MATK: variants seen among roughly 807,000 people sequenced by gnomAD.
MATK encodes the protein megakaryocyte-associated tyrosine kinase.
In MATK, 41 loss-of-function variants were observed where a neutral mutation model predicts 59.8. The ratio of observed to expected loss-of-function variants is 0.69; its 90% CI spans 0.53 to 0.89. The LOEUF (loss-of-function observed/expected upper bound fraction) is 0.89. MATK is among the 40% of genes least tolerant of loss of function. The pLI is 0.00. For synonymous variants in MATK, 308 were observed against 306.1 expected (o/e 1.01, Z -0.06); for missense variants, 593 against 719.6 (o/e 0.82, Z 2.01).
chr19:3,795,341 C>T (rs2037584155), intron 1 of MATK, among the ~76,000 whole-genome samples: 2 of 149,446 alleles, frequency 1.3e-5, no homozygotes, highest in African/African-American at 2.5e-5. Context: ...AACGTGATCT[C>T]GGCTCACTGC....
intron 6 of MATK, 152 bp downstream of exon 6, chr19:3,783,662 A>G: frequency 1.4e-6 from 1 of 694,166 alleles, no homozygotes; most frequent in South Asian, 1.9e-5. Context: ...GTCCCGGGTG[A>G]TCAGCACAGG....
chr19:3,797,998 C>G (rs2037611014), intron 1 of MATK, among the ~76,000 whole-genome samples: 2 of 151,946 alleles, frequency 1.3e-5, no homozygotes, highest in African/African-American at 4.8e-5. Flanking sequence ...GCCAAGAACA[C>G]ATCACTGTAC....
upstream of MATK, chr19:3,786,516 G>C: frequency 1.8e-6 from 1 of 548,888 alleles, no homozygotes; most frequent in Non-Finnish European, 2.3e-6. The surrounding 1 kb of genome is among the most constrained non-coding windows in gnomAD (Gnocchi z 4.1). Context: ...ACCTGGCCCT[G>C]TCGGGCGTGC....
chr19:3,793,005 C>G (rs760775043), intron 1 of MATK: 3 of 152,360 alleles, frequency 2.0e-5, no homozygotes, highest in East Asian at 1.9e-4. Flanking sequence ...TTCCTCCCCC[C>G]AGCCAGGGGA....
chr19:3,793,549 A>T (rs2037563798), intron 1 of MATK: 1 of 152,338 alleles, frequency 6.6e-6, no homozygotes, highest in Non-Finnish European at 1.5e-5. Context: ...TAAAAATATA[A>T]AAATTAGCCA....
Position 3,777,986 on chromosome 19 carries a change from G to A in MATK, c.*197C>T, listed in dbSNP as rs1054006354. 6 of 679,624 alleles carry A rather than the reference G, an allele frequency of 8.8e-6. No individual in the cohort carries two copies. The highest frequency in any genetic ancestry group is 7.2e-5 in the South Asian group (3 of 41,628). The allele number at this position is 679,624 out of a possible 1,614,324, so 42.1% of individuals were successfully genotyped here. ...CAGGCGCCTAGAGTCCTTAGAATCC[G>A]TCTTTATCGGGCGATCATCCTTCGC... On this transcript the variant is annotated 3_prime_UTR_variant, in exon 14 of 14. Transcript: ENST00000310132.
chr19:3,798,774 A>G (rs1197105777), intron 1 of MATK, among the ~76,000 whole-genome samples: 1 of 151,304 alleles, frequency 6.6e-6, no homozygotes, highest in Non-Finnish European at 1.5e-5. Context: ...AGCCTCCCAA[A>G]GTGCTGGGAT....
chr19:3,781,764 C>G, intron 7 of MATK, 92 bp from the exon 8 acceptor site: 1 of 979,064 alleles, frequency 1.0e-6, no homozygotes, highest in Non-Finnish European at 1.6e-6. Flanking sequence ...TGATGTCTCT[C>G]ACAGTGCTGC....
chr19:3,791,802 T>TC (rs1241764773), intron 1 of MATK, among the ~76,000 whole-genome samples: 1 of 151,998 alleles, frequency 6.6e-6, no homozygotes, highest in Non-Finnish European at 1.5e-5. Flanking sequence ...ACCAGTCTTC[T>TC]CATTTGAGAA....
Position 3,779,808 on chromosome 19 carries a change from G to C in MATK, c.743-11C>G, listed in dbSNP as rs1294257655. 1 of 1,564,862 alleles carries C rather than the reference G, an allele frequency of 6.4e-7. No homozygotes were observed. The highest frequency in any genetic ancestry group is 8.8e-7 in the Non-Finnish European group (1 of 1,136,552). ...CACCCTGCAGGACAGCTGGGGGGTG[G>C]GGGTGGGGAACGGGGTGAGATCAGG... On this transcript the variant is annotated splice_polypyrimidine_tract_variant and intron_variant, in intron 8 of 13. Coordinates refer to ENST00000310132, the MANE Select transcript of MATK (RefSeq NM_139355.3).
chr19:3,778,610 A>T lies in MATK; in HGVS notation c.1198-15T>A. The T allele has an allele frequency of 6.2e-7, 1 of 1,602,048 alleles. No individual in the cohort carries two copies. The highest frequency in any genetic ancestry group is 8.5e-7 in the Non-Finnish European group (1 of 1,174,490). ...CTGGTGAACTTCTGTGGGGCCCGAG[A>T]CGGGGGTGAGGAGGGACCCCTCAGG... On this transcript the variant is annotated splice_polypyrimidine_tract_variant and intron_variant, in intron 12 of 13. Coordinates refer to ENST00000310132, the MANE Select transcript of MATK (RefSeq NM_139355.3).
At chr19:3,778,970 G>A (rs2037357774) in intron 12 of MATK, 22 bp downstream of exon 12, 2 of 1,524,632 alleles carry the variant, frequency 1.3e-6, no homozygotes, top group Admixed American at 4.1e-5. Context: ...AAGCCCCAGG[G>A]GTATGTGAAG....
rs767089186 is a variant in MATK, at chr19:3,784,044, G to A, written c.363-11C>T. 2.7e-5 allele frequency: 44 copies of A among 1,600,334 alleles called. No homozygotes were observed. In the Middle Eastern group the frequency reaches 5.0e-4, roughly 18 times the overall value. On this transcript the variant is annotated splice_polypyrimidine_tract_variant and intron_variant, in intron 5 of 13. Transcript: ENST00000310132. ...TTCCCGTGGAACCACCTGCGGCCAC[G>A]GAAGGGGTGGGTCAGACTGGGCTGT... is the stretch of plus-strand genomic sequence containing the variant.
rs746689148 is a variant in MATK at position 3,778,293 on chromosome 19, G to C, written c.1414C>G (p.Arg472Gly). The C allele has an allele frequency of 6.3e-7, 1 of 1,575,876 alleles. No individual in the cohort carries two copies. Among genetic ancestry groups the C allele is most frequent in the Non-Finnish European group, 8.6e-7 (1 of 1,166,006 alleles). ...CGGGCCAGCTTCTCGGCCAGTTTGC[G>C]GAAGGGTGGCCGGCGGGCGGGCTCT... ...EAEPARRPPF[R>G]KLAEKLAREL... Residue 472 changes from arginine (R) to glycine (G), a missense_variant, in exon 14 of 14, where the codon CGC becomes GGC. Coordinates refer to ENST00000310132, the MANE Select transcript of MATK (RefSeq NM_139355.3).
upstream of MATK, among the ~76,000 whole-genome samples, chr19:3,791,199 C>T (rs1009311287): frequency 6.6e-6 from 1 of 152,050 alleles, no homozygotes; most frequent in Non-Finnish European, 1.5e-5. Context: ...AAATTAGATT[C>T]CCTGATCCCA....
Position 3,778,502 on chromosome 19 carries a change from C to T in MATK, c.1284+7G>A, listed in dbSNP as rs753940434. 19 of 1,613,778 alleles carry T rather than the reference C, an allele frequency of 1.2e-5. No individual in the cohort carries two copies. Among genetic ancestry groups the T allele is most frequent in the African/African-American group, 9.3e-5 (7 of 74,928 alleles). On this transcript the variant is annotated splice_region_variant and intron_variant, in intron 13 of 13. Transcript: ENST00000310132. ...GAACCCAGTGCCTCCCTGGGACCCC[C>T]GCTCACCATTTTAGGGTACGGAGCC... is the stretch of plus-strand genomic sequence containing the variant.
chr19:3,780,646 A>G (rs942857276), intron 8 of MATK, among the ~76,000 whole-genome samples: 1 of 140,682 alleles, frequency 7.1e-6, no homozygotes, highest in African/African-American at 2.7e-5. Context: ...GTTAGCCAGG[A>G]TGGTCTCGAT....
At chr19:3,801,756 CA>C (rs1184115945) in exon 1 of MATK, 4 of 152,224 alleles carry the variant, frequency 2.6e-5, no homozygotes, top group African/African-American at 9.7e-5. Flanking sequence ...CTCCGCAGCC[CA>C]GACGGTCCAT....
At chr19:3,786,889 G>A (rs780479375), upstream of MATK, among the ~76,000 whole-genome samples, 43 of 152,104 alleles carry the variant, frequency 2.8e-4, no homozygotes, top group Non-Finnish European at 5.7e-4. This position sits in a 1 kb window ranked among gnomAD's most constrained non-coding sequence, Gnocchi z 4.1. Flanking sequence ...CTCCTTGGAG[G>A]GTAAAAGGGG....
Sources: gnomAD v4.1 joint callset for allele counts (sites outside exome capture counted in the v4.1 genomes callset) on GRCh38, gnomAD v4.1.1 for gene constraint, Gnocchi (gnomAD v3.1) non-coding constraint, MANE v1.5 for transcripts, NCBI Gene and HGNC (gene_info 2026-07-23, HGNC 2026-07-21) for gene names.